POLE: variants seen among roughly 807,000 people sequenced by gnomAD.
The protein encoded by POLE is DNA polymerase epsilon catalytic subunit A.
In POLE, 188 loss-of-function variants were observed where a neutral mutation model predicts 279.2. That is an observed-to-expected ratio of 0.67 (90% confidence interval 0.60 to 0.76). POLE has a LOEUF of 0.76. POLE is among the 30% of genes least tolerant of loss of function. The pLI is 0.00. For missense variants in POLE, 2,703 were observed against 3,016.7 expected (o/e 0.90, Z 2.44); for synonymous variants, 1,214 against 1,172.5 (o/e 1.04, Z -0.72).
chr12:132,635,263 G>C (rs374188018), intron 42 of POLE, among the ~76,000 whole-genome samples: 1 of 152,100 alleles, frequency 6.6e-6, no homozygotes, highest in African/African-American at 2.4e-5. Flanking sequence ...AGCCTGGCCC[G>C]CACCTGGGCA....
At chr12:132,637,856 G>A (rs1002395794) in intron 41 of POLE, among the ~76,000 whole-genome samples, 158 bp downstream of exon 41, 3 of 152,162 alleles carry the variant, frequency 2.0e-5, no homozygotes, top group Non-Finnish European at 4.4e-5. Context: ...CACAGGTGGC[G>A]GTAACCCCCT....
At position 132,641,468 on chromosome 12, in the gene POLE, G is replaced by C. The variant is rs554435770; in HGVS notation, c.5378+179C>G. 24 of 613,388 alleles carry C rather than the reference G, an allele frequency of 3.9e-5. No homozygotes were observed. The East Asian group carries it at 5.5e-4, about 14-fold the overall frequency. The allele number at this position is 613,388 out of a possible 1,614,324, so 38.0% of individuals were successfully genotyped here. A position where few individuals can be genotyped will look rare whatever the true frequency, so the allele number is the denominator to read the frequency against. ...CTGAACAGTCGCCAGGGACCAGGCC[G>C]GACCCCCACAGTGGTAAAGACAATA... On this transcript the variant is annotated intron_variant, in intron 39 of 48. Transcript: ENST00000320574.
chr12:132,680,415 C>G, intron 3 of POLE, 192 bp downstream of exon 3: 1 of 666,220 alleles, frequency 1.5e-6, no homozygotes, highest in Non-Finnish European at 2.7e-6. Flanking sequence ...TACTTCTCAC[C>G]ATTCAGAGTC....
rs1036184341 is a variant in POLE at position 132,641,664 on chromosome 12, C to T, written c.5361G>A (p.Leu1787=). 3 of 1,614,000 alleles carry T rather than the reference C, an allele frequency of 1.9e-6. No homozygotes were observed. The highest frequency in any genetic ancestry group is 4.5e-5 in the East Asian group (2 of 44,890). ...GGTGGCACCTGAAGGTGTTAGAGCA[C>T]AGGGCTGTCTCATCGTAGCTGGCCG... ...SAPASYDETA[L]CSNTFRILKS... is the part of the protein sequence containing the mutation. The change falls in exon 39 of 49, where the codon CTG becomes CTA. Residue 1787 remains leucine (L), a synonymous_variant. Transcript: ENST00000320574.
chr12:132,634,185 C>G lies in POLE; in HGVS notation c.6004+1G>C. 6.2e-7 allele frequency: 1 copy of G among 1,609,884 alleles called. No individual in the cohort carries two copies. The highest frequency in any genetic ancestry group is 8.5e-7 in the Non-Finnish European group (1 of 1,177,660). ...TGCGCAGCCCTGGGCTCTGGGCTTA[C>G]CTGAAACAATCATGAGGAAGTAGTT... On this transcript the variant is annotated splice_donor_variant, in intron 43 of 48. Transcript: ENST00000320574. LOFTEE classifies it high-confidence loss of function. The surrounding 1 kb of genome is among the most constrained non-coding windows in gnomAD (Gnocchi z 4.0).
In POLE at chr12:132,649,714, T is replaced by C. The variant is rs1483605737; in HGVS notation, c.3758A>G (p.Glu1253Gly). ...CAGGGCGGGAGGCTGCCCCAAGATTTCCTGCCAGGGCACAGTCGGCGTGAG... is the reference window on the plus strand; with the variant it reads ...CAGGGCGGGAGGCTGCCCCAAGATTCCCTGCCAGGGCACAGTCGGCGTGAG... ...QDLTPTVPWQ[E>G]ILGQPPALGT... Residue 1253 changes from glutamate to glycine, a missense_variant, in exon 30 of 49, where the codon GAA becomes GGA. Transcript: ENST00000320574. The C allele has an allele frequency of 1.1e-5, 18 of 1,614,004 alleles. No individual in the cohort carries two copies. The Admixed American group carries it at 2.8e-4, about 25-fold the overall frequency.
chr12:132,674,579 A>G (rs1340992022), intron 12 of POLE, among the ~76,000 whole-genome samples: 1 of 151,988 alleles, frequency 6.6e-6, no homozygotes, highest in Non-Finnish European at 1.5e-5. Context: ...CCTCCCTAAG[A>G]ACCAGCATCC....
intron 1 of POLE, among the ~76,000 whole-genome samples, chr12:132,686,939 G>A (rs2043287371): frequency 6.9e-6 from 1 of 145,720 alleles, no homozygotes; most frequent in African/African-American, 2.5e-5. Flanking sequence ...CGCTCTCATC[G>A]CCCCCGCCGC....
At chr12:132,640,993 CAA>C in intron 39 of POLE, 1 of 456,732 alleles carries the variant, frequency 2.2e-6, no homozygotes, top group South Asian at 1.5e-5. Context: ...TCTGGAATTA[CAA>C]AGACTTGTTT....
chr12:132,672,483 G>C (rs1047396737), intron 15 of POLE, 144 bp downstream of exon 15: 9 of 1,057,142 alleles, frequency 8.5e-6, no homozygotes, highest in South Asian at 5.7e-5. Context: ...AAGCCCCCGG[G>C]GGGTGCTGGG....
chr12:132,634,457 C>T lies in POLE; in HGVS notation c.5812-79G>A. ...GGGTAGGATGCCACAGCGAAGGCTC[C>T]TCCAACCTGGGTCCATCTGCCCCGT... On this transcript the variant is annotated intron_variant, in intron 42 of 48. Coordinates refer to ENST00000320574, the MANE Select transcript of POLE (RefSeq NM_006231.4). The surrounding 1 kb of genome is among the most constrained non-coding windows in gnomAD (Gnocchi z 4.0). The T allele has an allele frequency of 4.2e-6, 6 of 1,418,132 alleles. No individual in the cohort carries two copies. In the South Asian group the frequency reaches 7.7e-5, roughly 18 times the overall value. The allele number at this position is 1,418,132 out of a possible 1,614,324, so 87.8% of individuals were successfully genotyped here.
At chr12:132,682,580 GATGTT>G (rs1291671836) in intron 1 of POLE, among the ~76,000 whole-genome samples, 7 of 152,300 alleles carry the variant, frequency 4.6e-5, no homozygotes, top group African/African-American at 1.7e-4. Flanking sequence ...ACTTACACAA[GATGTT>G]ATGGTGAAGT....
chr12:132,661,388 G>A lies in POLE; in HGVS notation c.2864+139C>T, dbSNP rs544583231. 49 of 1,036,116 alleles carry A rather than the reference G, an allele frequency of 4.7e-5. No homozygotes were observed. The African/African-American group carries it at 7.5e-4, about 16-fold the overall frequency. The allele number at this position is 1,036,116 out of a possible 1,614,324, so 64.2% of individuals were successfully genotyped here. A position where few individuals can be genotyped will look rare whatever the true frequency, so the allele number is the denominator to read the frequency against. ...ATACAGCAGGCGGGCAGACAGAGCTGGTGCAAACGGAATCAGTAAGATCAC... is the reference window on the plus strand; with the variant it reads ...ATACAGCAGGCGGGCAGACAGAGCTAGTGCAAACGGAATCAGTAAGATCAC... On this transcript the variant is annotated intron_variant, in intron 24 of 48. Coordinates refer to ENST00000320574, the MANE Select transcript of POLE (RefSeq NM_006231.4). The surrounding 1 kb of genome is among the most constrained non-coding windows in gnomAD (Gnocchi z 4.1).
chr12:132,679,688 G>C (rs370143361), intron 5 of POLE, 37 bp from the exon 6 acceptor site: 115 of 1,591,216 alleles, frequency 7.2e-5, no homozygotes, highest in Non-Finnish European at 5.8e-5. Flanking sequence ...TGGTTCAAGA[G>C]AAATAGGACT....
At position 132,668,454 on chromosome 12, in the gene POLE, G is replaced by A. The variant is rs1060500776; in HGVS notation, c.2075C>T (p.Ser692Leu). The change falls in exon 19 of 49, where the codon TCA becomes TTA. Residue 692 changes from serine (S) to leucine (L), a missense_variant. Physicochemically the swap from Ser to Leu is moderately radical, Grantham distance 145. This residue lies in a region of POLE where 1,011 missense variants were observed against 1,111.7 expected (regional missense o/e 0.91). Coordinates refer to ENST00000320574, the MANE Select transcript of POLE (RefSeq NM_006231.4). The surrounding 1 kb of genome is among the most constrained non-coding windows in gnomAD (Gnocchi z 4.0). ...TGGGAACAAGGGGGGGAACTTCTCT[G>A]ACTCCAGCTGGTGCTGGATCCGATG... ...EYHRIQHQLE[S>L]EKFPPLFPEG... is the part of the protein sequence containing the mutation. 6 of 1,612,102 alleles carry A rather than the reference G, an allele frequency of 3.7e-6. No individual in the cohort carries two copies. The Admixed American group carries it at 6.7e-5, about 18-fold the overall frequency.
Position 132,638,147 on chromosome 12 carries a change from G to T in POLE, c.5553-8C>A. On this transcript the variant is annotated splice_region_variant and splice_polypyrimidine_tract_variant and intron_variant, in intron 40 of 48. Coordinates refer to ENST00000320574, the MANE Select transcript of POLE (RefSeq NM_006231.4). Reference sequence around the variant, plus strand: ...TTGAACTCAGCGATGAGCCTGTGGAGCAAGTTGAGAGTCCGTGGTGGAGAC... The same window carrying T: ...TTGAACTCAGCGATGAGCCTGTGGATCAAGTTGAGAGTCCGTGGTGGAGAC... 2.5e-6 allele frequency: 4 copies of T among 1,613,244 alleles called. No homozygotes were observed. The South Asian group carries it at 4.4e-5, about 18-fold the overall frequency.
At chr12:132,640,572 A>G (rs2042120937) in intron 39 of POLE, among the ~76,000 whole-genome samples, 2 of 152,222 alleles carry the variant, frequency 1.3e-5, no homozygotes, top group South Asian at 4.1e-4. Context: ...TTCACTTCCC[A>G]TGGGGCAGAG....
chr12:132,672,876 A>G (rs997084747), intron 14 of POLE, 37 bp from the exon 15 acceptor site: 2 of 1,569,476 alleles, frequency 1.3e-6, no homozygotes, highest in Admixed American at 3.5e-5. Context: ...CAAAAGCAAC[A>G]CCAAAGGCCC....
chr12:132,686,024 C>G (rs2043253681), intron 1 of POLE, among the ~76,000 whole-genome samples: 1 of 151,956 alleles, frequency 6.6e-6, no homozygotes, highest in Admixed American at 6.6e-5. Flanking sequence ...TACAGGCATG[C>G]GCCACCACGC....
Sources: gnomAD v4.1 joint callset for allele counts (sites outside exome capture counted in the v4.1 genomes callset) on GRCh38, gnomAD v4.1.1 for gene constraint, gnomAD v4.1.1 regional missense constraint, Gnocchi (gnomAD v3.1) non-coding constraint, MANE v1.5 for transcripts, NCBI Gene and HGNC (gene_info 2026-07-23, HGNC 2026-07-21) for gene names.